Variants in SORCS2 observed in about 807,000 individuals in gnomAD.
SORCS2 encodes sortilin related VPS10 domain containing receptor 2.
A neutral mutation model predicts 141.6 loss-of-function variants in SORCS2; 100 were observed. The ratio of observed to expected loss-of-function variants is 0.71; its 90% CI spans 0.60 to 0.83. The LOEUF (loss-of-function observed/expected upper bound fraction) is 0.83. Among genes scored for constraint, SORCS2 ranks in the 40% least tolerant of loss-of-function variants. SORCS2 has a pLI of 0.00. For missense variants in SORCS2, 1,646 were observed against 1,560.2 expected (o/e 1.05, Z -0.93); for synonymous variants, 789 against 676.9 (o/e 1.17, Z -2.57).
chr4:7,678,236 T>C (rs1205244154), intron 9 of SORCS2, among the ~76,000 whole-genome samples: 5 of 149,300 alleles, frequency 3.3e-5, no homozygotes, highest in African/African-American at 1.2e-4. Flanking sequence ...GAGCAGGAGT[T>C]AGCCAGGTGA....
At chr4:7,700,744 GCA>G (rs1329413972) in intron 12 of SORCS2, among the ~76,000 whole-genome samples, 1 of 152,194 alleles carries the variant, frequency 6.6e-6, no homozygotes, top group Non-Finnish European at 1.5e-5. Flanking sequence ...CTCGGAGGGA[GCA>G]CAGAGCATTG....
At position 7,740,396 on chromosome 4, in the gene SORCS2, C is replaced by G; in HGVS notation, c.*132C>G. 1 of 781,902 alleles carries G rather than the reference C, an allele frequency of 1.3e-6. No homozygotes were observed. The highest frequency in any genetic ancestry group is 2.1e-6 in the Non-Finnish European group (1 of 474,292). The allele number at this position is 781,902 out of a possible 1,614,324, so 48.4% of individuals were successfully genotyped here. The stretch of plus-strand genomic sequence containing the variant: ...AGTCGTCGCCACACCAGGCGACAGG[C>G]ACCACCCCCTCTGATAAATCCAAGC... On this transcript the variant is annotated 3_prime_UTR_variant, in exon 27 of 27. Transcript: ENST00000507866.
At chr4:7,548,172 T>C (rs542631862) in intron 3 of SORCS2, among the ~76,000 whole-genome samples, 1 of 152,300 alleles carries the variant, frequency 6.6e-6, no homozygotes, top group African/African-American at 2.4e-5. Flanking sequence ...CCAACACATA[T>C]TACCAACCTT....
chr4:7,264,546 G>T lies in SORCS2; in HGVS notation c.480+71420G>T, dbSNP rs530857230. On this transcript the variant is annotated intron_variant, in intron 1 of 26. Transcript: ENST00000507866. ...ATCACAGGTGGGCACTCAGCCCCTG[G>T]TCTGGGAAGGCTTCTCCGTGGAGTG... Among the ~76,000 whole-genome samples the T allele has an allele frequency of 2.6e-5, 4 of 152,350 alleles. No individual in the cohort carries two copies. The South Asian group carries it at 8.3e-4, about 32-fold the overall frequency.
intron 2 of SORCS2, among the ~76,000 whole-genome samples, chr4:7,437,703 C>G (rs571335448): frequency 1.4e-5 from 2 of 139,812 alleles, no homozygotes; most frequent in Admixed American, 7.5e-5. Flanking sequence ...AAAGTGGGGA[C>G]AAAACCAAAC....
intron 2 of SORCS2, among the ~76,000 whole-genome samples, chr4:7,498,492 A>T (rs905586831): frequency 2.0e-5 from 3 of 152,204 alleles, no homozygotes; most frequent in Non-Finnish European, 4.4e-5. Flanking sequence ...TCTGCCACAA[A>T]ATTGAGACCC....
At chr4:7,376,699 G>A (rs1722678777) in intron 1 of SORCS2, among the ~76,000 whole-genome samples, 1 of 152,214 alleles carries the variant, frequency 6.6e-6, no homozygotes, top group Non-Finnish European at 1.5e-5. Flanking sequence ...ACATATGCAT[G>A]TCTTTGTGGG....
intron 18 of SORCS2, among the ~76,000 whole-genome samples, chr4:7,723,022 T>A (rs2148873723): frequency 6.6e-6 from 1 of 152,096 alleles, no homozygotes; most frequent in South Asian, 2.1e-4. Context: ...AGTTCCTGTT[T>A]CCTTCACTCA....
chr4:7,546,308 C>G (rs1475167162), intron 3 of SORCS2, among the ~76,000 whole-genome samples: 2 of 152,178 alleles, frequency 1.3e-5, no homozygotes, highest in Non-Finnish European at 1.5e-5. Flanking sequence ...CCTCCAGGTC[C>G]TGTGTCTTCT....
Position 7,281,811 on chromosome 4 carries a change from G to T in SORCS2, c.480+88685G>T, listed in dbSNP as rs150488281. Among the ~76,000 whole-genome samples the T allele has an allele frequency of 2.4e-4, 36 of 152,276 alleles. No homozygotes were observed. In the East Asian group the frequency reaches 4.4e-3, roughly 19 times the overall value. ...TGTGCTAATCACAGCCGGGGCCTCT[G>T]AAGTTTCAGTGCCGTCTGTGGGTGG... On this transcript the variant is annotated intron_variant, in intron 1 of 26. Transcript: ENST00000507866.
At chr4:7,576,075 G>A (rs1264132290) in intron 3 of SORCS2, among the ~76,000 whole-genome samples, 1 of 152,244 alleles carries the variant, frequency 6.6e-6, no homozygotes, top group African/African-American at 2.4e-5. Flanking sequence ...ACAGCTGTGT[G>A]TGTGAGGACG....
At chr4:7,466,749 A>T (rs113269872) in intron 2 of SORCS2, among the ~76,000 whole-genome samples, 1,797 of 152,270 alleles carry the variant, frequency 0.012, 29 homozygotes, top group African/African-American at 0.041. Context: ...AAATCCAGGC[A>T]GACTCCCAGC....
At chr4:7,228,811 C>T (rs1011944380) in intron 1 of SORCS2, among the ~76,000 whole-genome samples, 3 of 152,228 alleles carry the variant, frequency 2.0e-5, no homozygotes, top group Non-Finnish European at 4.4e-5. Flanking sequence ...GACCTTCAGT[C>T]CATGCGACCA....
intron 4 of SORCS2, among the ~76,000 whole-genome samples, chr4:7,639,112 G>A (rs755116614): frequency 4.6e-5 from 7 of 152,198 alleles, no homozygotes; most frequent in Non-Finnish European, 8.8e-5. Context: ...GGGCCTGGGG[G>A]CTGGGGAGGG....
intron 1 of SORCS2, among the ~76,000 whole-genome samples, chr4:7,331,955 C>T (rs991853733): frequency 1.6e-4 from 24 of 152,138 alleles, no homozygotes; most frequent in African/African-American, 5.3e-4. Flanking sequence ...ATCCAGCGTC[C>T]GCCCTCTGCC....
chr4:7,275,327 G>C (rs73206464), intron 1 of SORCS2, among the ~76,000 whole-genome samples: 14,179 of 152,188 alleles, frequency 0.093, 846 homozygotes, highest in East Asian at 0.2. Flanking sequence ...AGACAGGTCT[G>C]ATCACAGAGT....
At chr4:7,728,910 C>A (rs1242869222) in intron 22 of SORCS2, among the ~76,000 whole-genome samples, 1 of 152,144 alleles carries the variant, frequency 6.6e-6, no homozygotes, top group Non-Finnish European at 1.5e-5. Context: ...TGTAGCACAC[C>A]CAAGGCCCTT....
chr4:7,473,541 G>T (rs1396210394), intron 2 of SORCS2, among the ~76,000 whole-genome samples: 1 of 152,210 alleles, frequency 6.6e-6, no homozygotes, highest in Non-Finnish European at 1.5e-5. Context: ...GAACCTTCTA[G>T]CAGCTTGGCA....
intron 3 of SORCS2, among the ~76,000 whole-genome samples, chr4:7,560,289 T>G (rs1714442410): frequency 6.6e-6 from 1 of 152,188 alleles, no homozygotes; most frequent in African/African-American, 2.4e-5. Flanking sequence ...CCTCAGAGAA[T>G]ACACTGTATT....
Sources: gnomAD v4.1 joint callset for allele counts (sites outside exome capture counted in the v4.1 genomes callset) on GRCh38, gnomAD v4.1.1 for gene constraint, MANE v1.5 for transcripts, NCBI Gene and HGNC (gene_info 2026-07-23, HGNC 2026-07-21) for gene names.